The following SNTG1 variants were observed in gnomAD, a reference collection of about 807,000 sequenced individuals.
SNTG1 encodes the protein syntrophin gamma 1.
Under a neutral mutation model 74.7 loss-of-function variants are expected in SNTG1, and 39 were observed. The ratio of observed to expected loss-of-function variants is 0.52; its 90% CI spans 0.40 to 0.68. The LOEUF is 0.68. Among genes scored for constraint, SNTG1 ranks in the 30% least tolerant of loss-of-function variants. The pLI is 0.00. For synonymous variants in SNTG1, 254 were observed against 217.1 expected (o/e 1.17, Z -1.49); for missense variants, 685 against 609.5 (o/e 1.12, Z -1.30).
At chr8:50,182,641 C>T (rs377651405) in intron 2 of SNTG1, among the ~76,000 whole-genome samples, 20 of 151,950 alleles carry the variant, frequency 1.3e-4, no homozygotes, top group South Asian at 2.1e-4. Flanking sequence ...TGTGTGTGTG[C>T]GTGTGTGTGT....
intron 8 of SNTG1, among the ~76,000 whole-genome samples, chr8:50,485,545 A>G (rs1449670142): frequency 1.3e-5 from 2 of 150,806 alleles, no homozygotes; most frequent in Admixed American, 1.3e-4. Context: ...AATTTGTTTG[A>G]GTTCATTGTA....
chr8:50,492,192 A>T (rs2093862659), intron 8 of SNTG1, among the ~76,000 whole-genome samples: 1 of 152,164 alleles, frequency 6.6e-6, no homozygotes, highest in South Asian at 2.1e-4. Flanking sequence ...GCCTCAATAA[A>T]CATATGTGTG....
In SNTG1 at chr8:50,422,310, T is replaced by G. The variant is rs1183976300; in HGVS notation, c.163-16233T>G. 3.8e-5 allele frequency among the ~76,000 whole-genome samples: 5 copies of G among 129,912 alleles called. No individual in the cohort carries two copies. In the East Asian group the frequency reaches 9.5e-4, roughly 25 times the overall value. The allele number at this position is 129,912 out of a possible 152,430, so 85.2% of individuals were successfully genotyped here. A position where few individuals can be genotyped will look rare whatever the true frequency, so the allele number is the denominator to read the frequency against. ...ATGTAGATAGGTAGATCACATAAAA[T>G]TGATTGACCAAGTAGACAAAAAGAT... On this transcript the variant is annotated intron_variant, in intron 4 of 18. Coordinates refer to ENST00000642720, the MANE Select transcript of SNTG1 (RefSeq NM_018967.5).
intron 1 of SNTG1, among the ~76,000 whole-genome samples, chr8:49,913,474 C>T (rs916625432): frequency 4.6e-5 from 7 of 152,090 alleles, no homozygotes; most frequent in Non-Finnish European, 1.0e-4. Flanking sequence ...TTTATGTTGG[C>T]TGAGTGTAGC....
chr8:50,372,170 A>G (rs77296108), intron 2 of SNTG1, among the ~76,000 whole-genome samples: 7,606 of 149,612 alleles, frequency 0.051, 255 homozygotes, highest in Non-Finnish European at 0.071. Flanking sequence ...TCCCATGTCA[A>G]CTTTTCCTCT....
intron 15 of SNTG1, among the ~76,000 whole-genome samples, chr8:50,668,535 A>G: frequency 8.1e-6 from 1 of 122,936 alleles, no homozygotes; most frequent in South Asian, 2.5e-4. Flanking sequence ...TATTATTATT[A>G]TTTTGCTTTA....
chr8:50,147,699 T>C (rs1430125834), intron 1 of SNTG1, among the ~76,000 whole-genome samples: 1 of 152,186 alleles, frequency 6.6e-6, no homozygotes, highest in Admixed American at 6.5e-5. Context: ...GGAGGTATTA[T>C]GAATTTATTT....
intron 8 of SNTG1, among the ~76,000 whole-genome samples, chr8:50,487,391 T>A (rs1467354132): frequency 6.6e-6 from 1 of 152,090 alleles, no homozygotes; most frequent in East Asian, 1.9e-4. Context: ...ATGCACACGT[T>A]TATTTATTGT....
Position 50,502,688 on chromosome 8 carries a change from TG to T in SNTG1, c.364-88del. The stretch of plus-strand genomic sequence containing the variant: ...CTGAATACTAGGGAAAAATGGAAGG[TG>T]GAAGAAACAACCAATAATTTCAAGG... On this transcript the variant is annotated intron_variant, in intron 8 of 18. Transcript: ENST00000642720. 3.8e-6 allele frequency: 4 copies of T among 1,042,264 alleles called. No homozygotes were observed. The South Asian group carries it at 6.6e-5, about 17-fold the overall frequency. The allele number at this position is 1,042,264 out of a possible 1,614,324, so 64.6% of individuals were successfully genotyped here. A position where few individuals can be genotyped will look rare whatever the true frequency, so the allele number is the denominator to read the frequency against.
At chr8:50,521,188 G>A (rs987638048) in intron 9 of SNTG1, among the ~76,000 whole-genome samples, 4 of 151,966 alleles carry the variant, frequency 2.6e-5, no homozygotes, top group Admixed American at 2.6e-4. Flanking sequence ...CAAACACCAG[G>A]TTCTCACTCA....
chr8:50,458,770 G>A (rs534313260), intron 8 of SNTG1, among the ~76,000 whole-genome samples: 2 of 45,880 alleles, frequency 4.4e-5, no homozygotes, highest in African/African-American at 1.3e-4. Flanking sequence ...TTTATTAATT[G>A]GGTTCACTTC....
chr8:50,305,623 A>G (rs188080726), intron 2 of SNTG1, among the ~76,000 whole-genome samples: 120 of 150,108 alleles, frequency 8.0e-4, no homozygotes, highest in African/African-American at 2.8e-3. Flanking sequence ...ATTTTTTCCA[A>G]TGTGGAATTT....
chr8:50,695,802 G>A (rs1369517972), intron 15 of SNTG1, among the ~76,000 whole-genome samples: 5 of 151,308 alleles, frequency 3.3e-5, no homozygotes, highest in Admixed American at 3.3e-4. Flanking sequence ...AGACATAATT[G>A]TATTCTTTTT....
chr8:49,957,815 T>C (rs1810312730), intron 1 of SNTG1, among the ~76,000 whole-genome samples: 1 of 151,924 alleles, frequency 6.6e-6, no homozygotes, highest in African/African-American at 2.4e-5. Flanking sequence ...ATTTTTTTTT[T>C]AAAAGCCAGG....
At chr8:50,652,788 C>G (rs2131245543) in intron 13 of SNTG1, among the ~76,000 whole-genome samples, 1 of 151,866 alleles carries the variant, frequency 6.6e-6, no homozygotes, top group South Asian at 2.1e-4. Context: ...CAGAGTGTGA[C>G]TGTCTCAAAA....
rs2088420649 is a variant in SNTG1 at position 50,281,042 on chromosome 8, G to A, written c.-28+108407G>A. Among the ~76,000 whole-genome samples, 3 of 150,092 alleles carry A rather than the reference G, an allele frequency of 2.0e-5. No homozygotes were observed. In the South Asian group the frequency reaches 6.3e-4, roughly 31 times the overall value. ...AAGAAAAATAAAAGGACCTAGAAAA[G>A]GGACGAGGATTCTCTACAGAATTTT... On this transcript the variant is annotated intron_variant, in intron 2 of 18. Transcript: ENST00000642720.
intron 1 of SNTG1, among the ~76,000 whole-genome samples, chr8:50,159,983 C>T (rs1287302945): frequency 6.6e-6 from 1 of 152,166 alleles, no homozygotes; most frequent in Non-Finnish European, 1.5e-5. Context: ...TGGGCCCTTA[C>T]CTGGTAGACT....
At position 49,970,174 on chromosome 8, in the gene SNTG1, C is replaced by G. The variant is rs555876824; in HGVS notation, c.-103+57943C>G. ...GACAACTCCAGTAATATCTCTGTAT[C>G]TCACCATCTGGCAAAATTTCACAGT... On this transcript the variant is annotated intron_variant, in intron 1 of 18. Coordinates refer to ENST00000642720, the MANE Select transcript of SNTG1 (RefSeq NM_018967.5). Among the ~76,000 whole-genome samples, 90 of 152,222 alleles carry G rather than the reference C, an allele frequency of 5.9e-4. 1 individual carries two copies. The highest frequency in any genetic ancestry group is 2.1e-3 in the African/African-American group (89 of 41,522).
rs542652720 is a variant in SNTG1, at chr8:50,795,007, A to C, written c.*2178A>C. The C allele has an allele frequency of 1.3e-5, 2 of 152,122 alleles. No individual in the cohort carries two copies. Among genetic ancestry groups the C allele is most frequent in the East Asian group, 3.9e-4 (2 of 5,174 alleles). 9.4% of individuals were successfully genotyped at this position (152,122 alleles called of 1,614,324 possible). ...TGCACAATGAGATATGTATAAATAT[A>C]TATCTCCTCAGAGAATACACACACA... On this transcript the variant is annotated 3_prime_UTR_variant, in exon 19 of 19. Transcript: ENST00000642720.
Sources: gnomAD v4.1 joint callset for allele counts (sites outside exome capture counted in the v4.1 genomes callset) on GRCh38, gnomAD v4.1.1 for gene constraint, MANE v1.5 for transcripts, NCBI Gene and HGNC (gene_info 2026-07-23, HGNC 2026-07-21) for gene names.